The following PREX1 variants were observed in gnomAD, a reference collection of about 807,000 sequenced individuals.
PREX1 encodes the protein phosphatidylinositol 3,4,5-trisphosphate-dependent Rac exchanger 1 protein.
Under a neutral mutation model 198.3 loss-of-function variants are expected in PREX1, and 41 were observed. The ratio of observed to expected loss-of-function variants is 0.21; its 90% CI spans 0.16 to 0.27. The LOEUF (loss-of-function observed/expected upper bound fraction) is 0.27, where lower values mean the gene tolerates loss of function less well. PREX1 is among the 10% of genes least tolerant of loss of function. The pLI, the probability that PREX1 is intolerant of heterozygous loss-of-function variation, is 1.00. For synonymous variants in PREX1, 843 were observed against 887.2 expected, an observed-to-expected ratio of 0.95 and a Z score of 0.89; for missense variants, 1,620 against 2,200.7, an observed-to-expected ratio of 0.74 and a Z score of 5.28.
intron 1 of PREX1, among the ~76,000 whole-genome samples, chr20:48,759,404 G>T (rs1707910194): frequency 6.6e-6 from 1 of 151,818 alleles, no homozygotes; most frequent in Admixed American, 6.6e-5. Flanking sequence ...ACAAAAATTA[G>T]CCAGCCATGG....
At chr20:48,826,881 A>T (rs534575722) in intron 1 of PREX1, among the ~76,000 whole-genome samples, 1 of 152,190 alleles carries the variant, frequency 6.6e-6, no homozygotes, top group Non-Finnish European at 1.5e-5. Flanking sequence ...TTTTAATTAA[A>T]AATGGGGGAA....
the PREX1 span, among the ~76,000 whole-genome samples, chr20:48,846,294 G>T: frequency 1.3e-5 from 2 of 152,184 alleles, no homozygotes; most frequent in African/African-American, 4.8e-5. Context: ...TGCAAGGGAG[G>T]ATCCCGCATA....
At chr20:48,835,000 C>T in the PREX1 span, among the ~76,000 whole-genome samples, 1 of 152,196 alleles carries the variant, frequency 6.6e-6, no homozygotes, top group Non-Finnish European at 1.5e-5. Flanking sequence ...CAGCTGACAC[C>T]AGCCTCAGCC....
At chr20:48,860,438 C>G in the PREX1 span, among the ~76,000 whole-genome samples, 3 of 152,186 alleles carry the variant, frequency 2.0e-5, no homozygotes, top group Non-Finnish European at 4.4e-5. Flanking sequence ...AATTCTGGAG[C>G]TGGACGGTGG....
At chr20:48,718,545 T>C (rs2089972206) in intron 5 of PREX1, among the ~76,000 whole-genome samples, 1 of 152,000 alleles carries the variant, frequency 6.6e-6, no homozygotes, top group Non-Finnish European at 1.5e-5. Context: ...TTCAAATATA[T>C]TAATAAACAC....
chr20:48,839,986 G>A, the PREX1 span, among the ~76,000 whole-genome samples: 1 of 152,044 alleles, frequency 6.6e-6, no homozygotes, highest in Non-Finnish European at 1.5e-5. Context: ...ATGCTTTAAG[G>A]CCTGTTTATT....
Position 48,745,137 on chromosome 20 carries a change from G to A in PREX1, c.302C>T (p.Ser101Leu), listed in dbSNP as rs1568847849. The A allele has an allele frequency of 2.5e-6, 4 of 1,613,952 alleles. No individual in the cohort carries two copies. The highest frequency in any genetic ancestry group is 1.1e-5 in the South Asian group (1 of 91,068). Residue 101 changes from serine (S) to leucine (L), a missense_variant, in exon 3 of 40, where the codon TCG becomes TTG. By Grantham distance (145) the Ser-to-Leu change is moderately radical. Coordinates refer to ENST00000371941, the MANE Select transcript of PREX1 (RefSeq NM_020820.4). ...LTEENVKVLF[S>L]NIEDILEVHK... is the part of the protein sequence containing the mutation. ...AACTTCCAGGATGTCTTCGATGTTCGAGAACAGGACCTGTGAGGAAAAGAG... is the reference window on the plus strand; with the variant it reads ...AACTTCCAGGATGTCTTCGATGTTCAAGAACAGGACCTGTGAGGAAAAGAG...
chr20:48,754,145 A>C (rs1285824351), intron 1 of PREX1, among the ~76,000 whole-genome samples: 1 of 152,194 alleles, frequency 6.6e-6, no homozygotes, highest in Non-Finnish European at 1.5e-5. Context: ...TGGGAGAGGC[A>C]ACTAGAATAA....
intron 1 of PREX1, among the ~76,000 whole-genome samples, chr20:48,748,866 T>C (rs989241904): frequency 6.6e-6 from 1 of 152,198 alleles, no homozygotes; most frequent in Non-Finnish European, 1.5e-5. Flanking sequence ...GAATTTTTTT[T>C]CAAAAGAAAA....
At chr20:48,842,991 C>T in the PREX1 span, among the ~76,000 whole-genome samples, 2 of 152,156 alleles carry the variant, frequency 1.3e-5, no homozygotes, top group Admixed American at 1.3e-4. Flanking sequence ...AGATAATCAA[C>T]AAACATTTTT....
intron 6 of PREX1, among the ~76,000 whole-genome samples, chr20:48,707,104 G>A (rs376978770): frequency 1.6e-4 from 25 of 152,334 alleles, no homozygotes; most frequent in African/African-American, 5.8e-4. Context: ...TGACGCACAG[G>A]AAGCTGGCGC....
chr20:48,883,880 C>G, the PREX1 span, among the ~76,000 whole-genome samples: 1 of 152,114 alleles, frequency 6.6e-6, no homozygotes, highest in Non-Finnish European at 1.5e-5. Context: ...GTGGCTCAGG[C>G]CTGTAATCCC....
At chr20:48,640,597 C>A (rs573342907) in intron 29 of PREX1, among the ~76,000 whole-genome samples, 1 of 152,186 alleles carries the variant, frequency 6.6e-6, no homozygotes, top group Non-Finnish European at 1.5e-5. Context: ...TTGGTGGCAA[C>A]TGCCCATCTG....
At chr20:48,850,326 C>T in the PREX1 span, among the ~76,000 whole-genome samples, 1 of 152,080 alleles carries the variant, frequency 6.6e-6, no homozygotes, top group Non-Finnish European at 1.5e-5. Flanking sequence ...TTTATAGGAA[C>T]CAGGAGAGAA....
the PREX1 span, among the ~76,000 whole-genome samples, chr20:48,870,398 G>A: frequency 6.6e-6 from 1 of 152,168 alleles, no homozygotes; most frequent in Admixed American, 6.5e-5. Context: ...AGTTGCCCAG[G>A]ACTTGAATCT....
chr20:48,833,215 A>C, the PREX1 span, among the ~76,000 whole-genome samples: 117 of 152,316 alleles, frequency 7.7e-4, no homozygotes, highest in African/African-American at 2.5e-3. Context: ...AAGTGGATGA[A>C]GCCATGATGT....
rs756217181 is a variant in PREX1 at position 48,651,451 on chromosome 20, C to T, written c.2600G>A (p.Cys867Tyr). 1.9e-6 allele frequency: 3 copies of T among 1,613,734 alleles called. No individual in the cohort carries two copies. The African/African-American group carries it at 4.0e-5, about 22-fold the overall frequency. Residue 867 changes from cysteine (C) to tyrosine (Y), a missense_variant, in exon 22 of 40, where the codon TGC becomes TAC. This residue lies in a region of PREX1 where 514 missense variants were observed against 611.6 expected (regional missense o/e 0.84). Coordinates refer to ENST00000371941, the MANE Select transcript of PREX1 (RefSeq NM_020820.4). ...CTCCACGATCTTCTCCAGCACATGGCACCTGACGCCTGCCGTGCTCACATA... is the reference window on the plus strand; with the variant it reads ...CTCCACGATCTTCTCCAGCACATGGTACCTGACGCCTGCCGTGCTCACATA... ...YEYVSTAGVR[C>Y]HVLEKIVEPR... is the part of the protein sequence containing the mutation.
chr20:48,884,118 G>A, the PREX1 span, among the ~76,000 whole-genome samples: 1,406 of 141,332 alleles, frequency 9.9e-3, 20 homozygotes, highest in African/African-American at 0.034. Flanking sequence ...CAGCCTGGAC[G>A]ACAGAGCAAA....
At chr20:48,718,696 T>G (rs1253102381) in intron 5 of PREX1, among the ~76,000 whole-genome samples, 2 of 152,180 alleles carry the variant, frequency 1.3e-5, no homozygotes, top group Non-Finnish European at 2.9e-5. Context: ...AAATAAGATA[T>G]TTCAGGAAAA....
Sources: allele counts gnomAD v4.1 joint callset (sites outside exome capture counted in the v4.1 genomes callset), GRCh38; gene constraint gnomAD v4.1.1; regional missense constraint gnomAD v4.1.1; transcripts MANE v1.5; gene names NCBI Gene and HGNC (gene_info 2026-07-23, HGNC 2026-07-21).